Variants in LGSN observed in about 807,000 individuals in gnomAD.
The protein encoded by LGSN is lengsin.
In LGSN, 21 loss-of-function variants were observed where a neutral mutation model predicts 19.5. The observed-to-expected ratio is 1.07, with a 90% CI of 0.76 to 1.55. The LOEUF (loss-of-function observed/expected upper bound fraction) is 1.55, where lower values mean the gene tolerates loss of function less well. LGSN is among the 40% of genes most tolerant of loss of function. The probability of loss-of-function intolerance (pLI) is 0.00; values close to 1 mark genes in which losing one functional copy is unlikely to be tolerated. For missense variants in LGSN, 673 were observed against 608.5 expected, an observed-to-expected ratio of 1.11 and a Z score of -1.12; for synonymous variants, 257 against 215.6, an observed-to-expected ratio of 1.19 and a Z score of -1.68.
At chr6:63,443,489 C>G in the LGSN span, 2 of 373,742 alleles carry the variant, frequency 5.4e-6, no homozygotes, top group South Asian at 7.9e-5. Context: ...ACATTGTCAC[C>G]TCTCACCTTT....
chr6:63,526,706 G>A, the LGSN span, among the ~76,000 whole-genome samples: 3 of 149,946 alleles, frequency 2.0e-5, no homozygotes, highest in Non-Finnish European at 4.4e-5. Flanking sequence ...TACTCCGGAG[G>A]CTGCATTTCT....
chr6:63,292,033 A>G (rs1362647448), intron 2 of LGSN, among the ~76,000 whole-genome samples: 1 of 152,168 alleles, frequency 6.6e-6, no homozygotes, highest in South Asian at 2.1e-4. Flanking sequence ...GAGATATAAA[A>G]CCACAGAAAG....
the LGSN span, among the ~76,000 whole-genome samples, chr6:63,448,862 G>C: frequency 0.046 from 7,010 of 151,702 alleles, 256 homozygotes; most frequent in Non-Finnish European, 0.071. Flanking sequence ...AAATAACTCA[G>C]AGGTTAAAAG....
chr6:63,392,825 A>G, the LGSN span, among the ~76,000 whole-genome samples: 2 of 151,568 alleles, frequency 1.3e-5, no homozygotes, highest in East Asian at 1.9e-4. Flanking sequence ...CGAGCTGCAG[A>G]CATTGATTGG....
At chr6:63,429,554 G>A in the LGSN span, among the ~76,000 whole-genome samples, 44 of 152,096 alleles carry the variant, frequency 2.9e-4, no homozygotes, top group African/African-American at 8.9e-4. Flanking sequence ...TGGCCAGCAC[G>A]GTGAAACCCC....
the LGSN span, chr6:63,396,134 T>C: frequency 6.5e-6 from 1 of 154,962 alleles, no homozygotes; most frequent in African/African-American, 2.4e-5. Flanking sequence ...TCTCATTGTC[T>C]GGTTGCTATC....
chr6:63,281,101 CATTAGGACTATGTCGCT>C lies in LGSN; in HGVS notation c.433_449del (p.Ser145AlafsTer7). ...AAACTCTAAAGGTTGATAACTCTGG[CATTAGGACTATGTCGCT>C]ATTAAAACATGTGGCTCTTATGTTA... On this transcript the variant is annotated frameshift_variant, in exon 4 of 4. Coordinates refer to ENST00000370657, the MANE Select transcript of LGSN (RefSeq NM_016571.3). LOFTEE classifies it low-confidence loss of function (END_TRUNC). 1.9e-6 allele frequency: 3 copies of C among 1,613,784 alleles called. No individual in the cohort carries two copies. Among genetic ancestry groups the C allele is most frequent in the Non-Finnish European group, 2.5e-6 (3 of 1,179,980 alleles).
At chr6:63,284,727 C>A (rs549794307) in intron 3 of LGSN, among the ~76,000 whole-genome samples, 1 of 152,064 alleles carries the variant, frequency 6.6e-6, no homozygotes, top group Non-Finnish European at 1.5e-5. Context: ...GCCTGAATGA[C>A]AAGGAAACAA....
At chr6:63,412,442 GC>G in the LGSN span, among the ~76,000 whole-genome samples, 4 of 124,460 alleles carry the variant, frequency 3.2e-5, no homozygotes, top group African/African-American at 1.5e-4. Flanking sequence ...AAGAAAGAAA[GC>G]AAGAAAGAAA....
chr6:63,552,159 A>G, the LGSN span, among the ~76,000 whole-genome samples: 1 of 152,202 alleles, frequency 6.6e-6, no homozygotes, highest in Non-Finnish European at 1.5e-5. Flanking sequence ...AGTCCCACCA[A>G]CAGTGTAAAA....
the LGSN span, among the ~76,000 whole-genome samples, chr6:63,343,538 C>A: frequency 6.6e-6 from 1 of 152,156 alleles, no homozygotes; most frequent in South Asian, 2.1e-4. Flanking sequence ...TGGCAGATGA[C>A]AATGAGTAGG....
the LGSN span, among the ~76,000 whole-genome samples, chr6:63,363,391 C>A: frequency 6.6e-6 from 1 of 152,152 alleles, no homozygotes; most frequent in East Asian, 1.9e-4. Context: ...TCGATAATAA[C>A]AAACTTCTCC....
At chr6:63,374,617 C>T in the LGSN span, among the ~76,000 whole-genome samples, 1 of 152,206 alleles carries the variant, frequency 6.6e-6, no homozygotes, top group Non-Finnish European at 1.5e-5. Context: ...ACTACTGCCA[C>T]TGTAACAAAT....
chr6:63,510,923 C>T, the LGSN span, among the ~76,000 whole-genome samples: 15 of 152,224 alleles, frequency 9.9e-5, no homozygotes, highest in East Asian at 2.9e-3. Flanking sequence ...GATCATCCTG[C>T]CTCTGCCTCT....
the LGSN span, among the ~76,000 whole-genome samples, chr6:63,417,056 T>C: frequency 6.6e-6 from 1 of 152,082 alleles, no homozygotes; most frequent in Non-Finnish European, 1.5e-5. Context: ...CTTTAACCTG[T>C]TTTGTGATGC....
At chr6:63,417,610 C>T in the LGSN span, among the ~76,000 whole-genome samples, 1 of 152,142 alleles carries the variant, frequency 6.6e-6, no homozygotes, top group East Asian at 1.9e-4. Flanking sequence ...TATACTATGG[C>T]TTAACACATA....
chr6:63,548,829 T>A, the LGSN span: 4 of 751,668 alleles, frequency 5.3e-6, no homozygotes, highest in Non-Finnish European at 9.7e-6. Context: ...GTATCTGTCA[T>A]TGTAGTCAGT....
At chr6:63,483,725 A>T in the LGSN span, among the ~76,000 whole-genome samples, 3 of 152,082 alleles carry the variant, frequency 2.0e-5, no homozygotes, top group Non-Finnish European at 4.4e-5. Context: ...CCCATGGCTT[A>T]TAGATGGCCA....
chr6:63,460,212 C>A, the LGSN span, among the ~76,000 whole-genome samples: 1 of 149,622 alleles, frequency 6.7e-6, no homozygotes, highest in Non-Finnish European at 1.5e-5. Context: ...CCTGCCTCAG[C>A]CTCCCAAAGT....
Sources: gnomAD v4.1 joint callset for allele counts (sites outside exome capture counted in the v4.1 genomes callset) on GRCh38, gnomAD v4.1.1 for gene constraint, MANE v1.5 for transcripts, NCBI Gene and HGNC (gene_info 2026-07-23, HGNC 2026-07-21) for gene names.